The following KAZN variants were observed in gnomAD, a reference collection of about 807,000 sequenced individuals.
KAZN encodes the protein kazrin.
In KAZN, 40 loss-of-function variants were observed where a neutral mutation model predicts 87.4. That is an observed-to-expected ratio of 0.46 (90% CI 0.36 to 0.60). The LOEUF (loss-of-function observed/expected upper bound fraction) is 0.60. KAZN is among the 20% of genes least tolerant of loss of function. The probability of loss-of-function intolerance (pLI) is 0.00; values close to 1 mark genes in which losing one functional copy is unlikely to be tolerated. For missense variants in KAZN, 898 were observed against 1,073.9 expected, an observed-to-expected ratio of 0.84 and a Z score of 2.29; for synonymous variants, 466 against 458.3, an observed-to-expected ratio of 1.02 and a Z score of -0.22.
At chr1:14,704,712 G>T (rs1353196519) in intron 1 of KAZN, among the ~76,000 whole-genome samples, 1 of 152,174 alleles carries the variant, frequency 6.6e-6, no homozygotes. Flanking sequence ...CTACCCTTGT[G>T]TTCTGCTCCC....
rs535147278 is a variant in KAZN, at chr1:14,370,396, G to A, written c.249+189804G>A. Among the ~76,000 whole-genome samples the A allele has an allele frequency of 2.6e-5, 4 of 152,298 alleles. No homozygotes were observed. The East Asian group carries it at 5.8e-4, about 22-fold the overall frequency. On this transcript the variant is annotated intron_variant, in intron 2 of 16. Coordinates refer to the KAZN transcript ENST00000636203. ...CCAGGCAGCAAGCTGCTCAGCCCCTGAGTATCATTCAGGGATCTGAGCTGA... is the reference window on the plus strand; with the variant it reads ...CCAGGCAGCAAGCTGCTCAGCCCCTAAGTATCATTCAGGGATCTGAGCTGA...
intron 2 of KAZN, among the ~76,000 whole-genome samples, chr1:14,203,163 G>A (rs891072441): frequency 4.6e-5 from 7 of 152,026 alleles, no homozygotes; most frequent in Non-Finnish European, 8.8e-5. Context: ...GTTATGGACT[G>A]TATTCCCAAA....
At chr1:14,368,568 A>G (rs534547277) in intron 2 of KAZN, among the ~76,000 whole-genome samples, 7 of 152,214 alleles carry the variant, frequency 4.6e-5, no homozygotes, top group Non-Finnish European at 8.8e-5. Context: ...CTTTCTTGAT[A>G]GCTCAGATGC....
chr1:14,169,736 G>A (rs1034424333), intron 1 of KAZN, among the ~76,000 whole-genome samples: 2 of 152,188 alleles, frequency 1.3e-5, no homozygotes, highest in Non-Finnish European at 2.9e-5. Context: ...TCATCACTGA[G>A]TAACTCTGGG....
In KAZN at chr1:14,609,867, T is replaced by G. The variant is rs141142054; in HGVS notation, c.226+10644T>G. Among the ~76,000 whole-genome samples the G allele has an allele frequency of 6.9e-3, 1,055 of 152,340 alleles. 13 individuals are homozygous for G. Among genetic ancestry groups the G allele is most frequent in the African/African-American group, 0.024 (978 of 41,578 alleles). The stretch of plus-strand genomic sequence containing the variant: ...TGTCTAAGATTGGTGAGCTGGTTAT[T>G]GAACCAACTTCCCCTCCCTTTCTCC... On this transcript the variant is annotated intron_variant, in intron 1 of 14. Transcript: ENST00000376030.
chr1:14,936,484 G>A (rs543993718), intron 1 of KAZN, among the ~76,000 whole-genome samples: 69 of 152,272 alleles, frequency 4.5e-4, no homozygotes, highest in African/African-American at 1.6e-3. Flanking sequence ...CAGGCAAACC[G>A]GGCTGGTTGA....
chr1:14,404,271 T>C (rs569251385), intron 2 of KAZN, among the ~76,000 whole-genome samples: 1 of 152,168 alleles, frequency 6.6e-6, no homozygotes, highest in Non-Finnish European at 1.5e-5. Context: ...AGGTAGCCCT[T>C]TCCTATTGGC....
intron 2 of KAZN, among the ~76,000 whole-genome samples, chr1:14,330,603 T>C (rs1374577004): frequency 1.3e-5 from 2 of 152,172 alleles, no homozygotes; most frequent in Non-Finnish European, 2.9e-5. Context: ...CATCAGGGAC[T>C]GTGTCTCTCT....
At chr1:14,593,119 T>C (rs1676300037) in intron 2 of KAZN, among the ~76,000 whole-genome samples, 1 of 152,230 alleles carries the variant, frequency 6.6e-6, no homozygotes, top group African/African-American at 2.4e-5. Context: ...CAGATACCAG[T>C]ACCCTCTCTA....
intron 1 of KAZN, among the ~76,000 whole-genome samples, chr1:14,134,967 C>T (rs1215295845): frequency 3.5e-5 from 2 of 56,344 alleles, no homozygotes; most frequent in Admixed American, 2.5e-4. Flanking sequence ...GCATATGCAC[C>T]CGCACACACA....
At chr1:13,975,804 C>CTGAA (rs929150829) in intron 1 of KAZN, among the ~76,000 whole-genome samples, 42 of 152,220 alleles carry the variant, frequency 2.8e-4, no homozygotes, top group African/African-American at 6.5e-4. Flanking sequence ...TCAAGGCTTG[C>CTGAA]TGAATGAATG....
intron 1 of KAZN, among the ~76,000 whole-genome samples, chr1:14,833,097 G>T (rs1425474229): frequency 6.6e-6 from 1 of 152,098 alleles, no homozygotes; most frequent in South Asian, 2.1e-4. Context: ...CTTTATAGAA[G>T]AAGCTTGCCA....
intron 1 of KAZN, among the ~76,000 whole-genome samples, chr1:14,089,717 T>C (rs2101615109): frequency 6.6e-6 from 1 of 152,316 alleles, no homozygotes; most frequent in South Asian, 2.1e-4. Flanking sequence ...TCATATTTGC[T>C]ATTTCTGGTG....
At chr1:14,880,639 G>T (rs546422051) in intron 1 of KAZN, among the ~76,000 whole-genome samples, 1 of 152,160 alleles carries the variant, frequency 6.6e-6, no homozygotes, top group Non-Finnish European at 1.5e-5. Context: ...CCAAGATGAT[G>T]ACTTCACTCG....
chr1:14,791,481 C>T (rs1430731550), intron 1 of KAZN, among the ~76,000 whole-genome samples: 1 of 152,230 alleles, frequency 6.6e-6, no homozygotes, highest in African/African-American at 2.4e-5. Flanking sequence ...GGAAGCAACA[C>T]GCTGCGCTTG....
intron 1 of KAZN, chr1:14,924,548 G>A (rs907160996): frequency 3.0e-6 from 3 of 1,012,278 alleles, no homozygotes; most frequent in African/African-American, 1.7e-5. Context: ...CCGGGTCCGA[G>A]CGGATGGCGA....
chr1:14,948,931 C>A (rs1662143593), intron 1 of KAZN, among the ~76,000 whole-genome samples: 1 of 152,048 alleles, frequency 6.6e-6, no homozygotes, highest in Admixed American at 6.6e-5. Flanking sequence ...CTGAGGCGAG[C>A]AGATCACTTG....
chr1:15,083,273 G>T (rs115932861), intron 8 of KAZN, among the ~76,000 whole-genome samples: 85 of 152,276 alleles, frequency 5.6e-4, no homozygotes, highest in African/African-American at 2.0e-3. Flanking sequence ...CTAGGTGGAG[G>T]GGGGACTGTT....
In KAZN at chr1:14,475,137, TGATGGATGGATG is replaced by T. The variant is rs538602227; in HGVS notation, c.250-123830_250-123819del. Among the ~76,000 whole-genome samples the T allele has an allele frequency of 3.3e-5, 5 of 151,580 alleles. 1 individual carries two copies. Among genetic ancestry groups the T allele is most frequent in the Non-Finnish European group, 7.4e-5 (5 of 67,900 alleles). ...GATGGATGGTAGATAGATATTGAAT[TGATGGATGGATG>T]GATGGATGGATGGATAGTGGAAAGA... On this transcript the variant is annotated intron_variant, in intron 2 of 16. Coordinates refer to the KAZN transcript ENST00000636203.
Sources: allele counts gnomAD v4.1 joint callset (sites outside exome capture counted in the v4.1 genomes callset), GRCh38; gene constraint gnomAD v4.1.1; transcripts MANE v1.5; gene names NCBI Gene and HGNC (gene_info 2026-07-23, HGNC 2026-07-21).